The following CELF5 variants were observed in gnomAD, a reference collection of about 807,000 sequenced individuals.
The protein encoded by CELF5 is CUGBP Elav-like family member 5.
A neutral mutation model predicts 54.9 loss-of-function variants in CELF5; 6 were observed. The observed-to-expected ratio is 0.11, with a 90% confidence interval of 0.06 to 0.22. The LOEUF (loss-of-function observed/expected upper bound fraction) is 0.22. Ranked by LOEUF, CELF5 falls within the 10% of genes least tolerant of loss-of-function variation. The pLI, the probability that CELF5 is intolerant of heterozygous loss-of-function variation, is 1.00. For missense variants in CELF5, 401 were observed against 678.6 expected (o/e 0.59, Z 4.54); for synonymous variants, 271 against 290.9 (o/e 0.93, Z 0.70).
chr19:3,235,166 C>T (rs905591471), intron 1 of CELF5, among the ~76,000 whole-genome samples: 1 of 152,140 alleles, frequency 6.6e-6, no homozygotes, highest in African/African-American at 2.4e-5. Flanking sequence ...TGGGCTGTGC[C>T]CTCTGCATAA....
In CELF5 at chr19:3,228,777, C is replaced by T. The variant is rs1187917710; in HGVS notation, c.259+3779C>T. On this transcript the variant is annotated intron_variant, in intron 1 of 12. Transcript: ENST00000292672. This position sits in a 1 kb window ranked among gnomAD's most constrained non-coding sequence, Gnocchi z 6.0. ...GCACCAGCTCCAGGGAGAAGGCGGG[C>T]TGGGCGGCCTGGCGGGGGGACCGCG... 4.9e-5 allele frequency among the ~76,000 whole-genome samples: 7 copies of T among 144,254 alleles called. No individual in the cohort carries two copies. The allele number at this position is 144,254 out of a possible 152,430, so 94.6% of individuals were successfully genotyped here.
chr19:3,257,423 C>T lies in CELF5; in HGVS notation c.342+6356C>T, dbSNP rs1001810359. ...GGTGACTGGGACCAGGGGACAGTAG[C>T]AACCAGAGGAACGATCTGGTTTGTT... On this transcript the variant is annotated intron_variant, in intron 2 of 12. Coordinates refer to ENST00000292672, the MANE Select transcript of CELF5 (RefSeq NM_021938.4). 5.3e-5 allele frequency among the ~76,000 whole-genome samples: 8 copies of T among 152,252 alleles called. No homozygotes were observed. In the South Asian group the frequency reaches 1.5e-3, roughly 28 times the overall value.
intron 2 of CELF5, among the ~76,000 whole-genome samples, chr19:3,269,867 G>C (rs1296789595): frequency 2.0e-5 from 3 of 151,906 alleles, no homozygotes; most frequent in Non-Finnish European, 4.4e-5. Context: ...GGGTTCAAAC[G>C]ATCCTCCCTC....
chr19:3,229,981 G>A (rs1050139566), intron 1 of CELF5, among the ~76,000 whole-genome samples: 1 of 152,146 alleles, frequency 6.6e-6, no homozygotes, highest in Admixed American at 6.5e-5. Flanking sequence ...GGCTGGACCC[G>A]GGAGGTTATC....
At chr19:3,233,349 T>G (rs567469371) in intron 1 of CELF5, among the ~76,000 whole-genome samples, 83 of 152,264 alleles carry the variant, frequency 5.5e-4, no homozygotes, top group Admixed American at 9.8e-4. Context: ...GAGCGAGGCT[T>G]GAGGACATAA....
chr19:3,290,526 T>C (rs1256044355), intron 11 of CELF5, 152 bp downstream of exon 11: 2 of 743,310 alleles, frequency 2.7e-6, no homozygotes, highest in East Asian at 5.3e-5. Context: ...GGATCACGCC[T>C]GTGATCCCAG....
At position 3,269,474 on chromosome 19, in the gene CELF5, G is replaced by A. The variant is rs534028589; in HGVS notation, c.343-4398G>A. Among the ~76,000 whole-genome samples, 8 of 152,188 alleles carry A rather than the reference G, an allele frequency of 5.3e-5. No individual in the cohort carries two copies. In the South Asian group the frequency reaches 6.2e-4, roughly 12 times the overall value. Reference sequence around the variant, plus strand: ...GTTACAGGCGTGAGCCACCGCGCCCGGCCCCTCCTCTGAACCTCTACTCTT... The same window carrying A: ...GTTACAGGCGTGAGCCACCGCGCCCAGCCCCTCCTCTGAACCTCTACTCTT... On this transcript the variant is annotated intron_variant, in intron 2 of 12. Coordinates refer to ENST00000292672, the MANE Select transcript of CELF5 (RefSeq NM_021938.4).
chr19:3,292,303 GTTT>G (rs55841367), intron 11 of CELF5, among the ~76,000 whole-genome samples: 1 of 141,740 alleles, frequency 7.1e-6, no homozygotes, highest in Non-Finnish European at 1.5e-5. Flanking sequence ...CCTTGACTTT[GTTT>G]TTTTTTTTTT....
At chr19:3,227,105 G>A (rs188093013) in intron 1 of CELF5, among the ~76,000 whole-genome samples, 2 of 152,110 alleles carry the variant, frequency 1.3e-5, no homozygotes, top group African/African-American at 4.8e-5. Flanking sequence ...ACCTCGTGTC[G>A]AAAATGGGTC....
At chr19:3,250,212 G>T (rs183960263) in intron 1 of CELF5, among the ~76,000 whole-genome samples, 171 of 152,324 alleles carry the variant, frequency 1.1e-3, no homozygotes, top group Admixed American at 2.0e-3. Flanking sequence ...GTTCAGGCCG[G>T]GTGCGGTGGC....
At chr19:3,270,907 C>T (rs2079951696) in intron 2 of CELF5, among the ~76,000 whole-genome samples, 2 of 151,820 alleles carry the variant, frequency 1.3e-5, no homozygotes, top group South Asian at 4.2e-4. Context: ...GCAGGTACAC[C>T]AGCCCCCCAA....
chr19:3,288,745 G>T (rs995081511), intron 10 of CELF5, among the ~76,000 whole-genome samples: 1 of 152,102 alleles, frequency 6.6e-6, no homozygotes, highest in Non-Finnish European at 1.5e-5. Flanking sequence ...CTACTCGGGA[G>T]GCCAAAGTGG....
At chr19:3,253,890 C>T (rs2079683992) in intron 2 of CELF5, among the ~76,000 whole-genome samples, 2 of 152,168 alleles carry the variant, frequency 1.3e-5, no homozygotes, top group Admixed American at 6.5e-5. Flanking sequence ...AAGGAGTCCT[C>T]CCAGCTAAGC....
chr19:3,289,681 CAAAAAAAAA>C lies in CELF5; in HGVS notation c.1187-524_1187-516del, dbSNP rs35144942. On this transcript the variant is annotated intron_variant, in intron 10 of 12. Coordinates refer to ENST00000292672, the MANE Select transcript of CELF5 (RefSeq NM_021938.4). ...TGGGCGACAGAGCGAGACTCCATCT[CAAAAAAAAA>C]AAAAAAAAAAAAAAAAAAAAAAAAA... Among the ~76,000 whole-genome samples, 44 of 47,122 alleles carry C rather than the reference CAAAAAAAAA, an allele frequency of 9.3e-4. 1 individual carries two copies. The East Asian group carries it at 0.014, about 15-fold the overall frequency. The allele number at this position is 47,122 out of a possible 152,430, so 30.9% of individuals were successfully genotyped here.
intron 4 of CELF5, among the ~76,000 whole-genome samples, chr19:3,276,745 AG>A (rs1357525467): frequency 7.1e-6 from 1 of 140,428 alleles, no homozygotes; most frequent in Non-Finnish European, 1.6e-5. Flanking sequence ...AGGCTTCTCC[AG>A]GGGCTGCTTA....
At chr19:3,260,546 C>T (rs1006802638) in intron 2 of CELF5, among the ~76,000 whole-genome samples, 5 of 152,112 alleles carry the variant, frequency 3.3e-5, no homozygotes, top group African/African-American at 1.2e-4. Flanking sequence ...CCTTCACCTC[C>T]CAGGTTCAAG....
chr19:3,227,636 G>A (rs536443320), intron 1 of CELF5, among the ~76,000 whole-genome samples: 1 of 152,048 alleles, frequency 6.6e-6, no homozygotes, highest in Non-Finnish European at 1.5e-5. Flanking sequence ...ACCACCTCTA[G>A]CCCTTCCTTG....
At chr19:3,257,965 G>T (rs1271980983) in intron 2 of CELF5, among the ~76,000 whole-genome samples, 1 of 144,888 alleles carries the variant, frequency 6.9e-6, no homozygotes, top group Non-Finnish European at 1.5e-5. Context: ...ATACCTGGCT[G>T]ATTTTTTTTT....
chr19:3,285,638 C>T (rs1293190002), intron 9 of CELF5, among the ~76,000 whole-genome samples: 2 of 111,828 alleles, frequency 1.8e-5, no homozygotes, highest in Non-Finnish European at 3.8e-5. Flanking sequence ...AACCCCTATA[C>T]CCCTCCCCTC....
Sources: allele counts gnomAD v4.1 joint callset (sites outside exome capture counted in the v4.1 genomes callset), GRCh38; gene constraint gnomAD v4.1.1; non-coding constraint Gnocchi (gnomAD v3.1); transcripts MANE v1.5; gene names NCBI Gene and HGNC (gene_info 2026-07-23, HGNC 2026-07-21).